The following CSMD1 variants were observed in gnomAD, a reference collection of about 807,000 sequenced individuals.
The protein encoded by CSMD1 is CUB and sushi domain-containing protein 1.
Under a neutral mutation model 417.5 loss-of-function variants are expected in CSMD1, and 213 were observed. The observed-to-expected ratio is 0.51, with a 90% confidence interval of 0.46 to 0.57. The LOEUF is 0.57. CSMD1 is among the 20% of genes least tolerant of loss of function. The pLI is 0.00. For missense variants in CSMD1, 6,923 were observed against 4,529.7 expected (o/e 1.53, Z -15.17); for synonymous variants, 2,862 against 1,736.8 (o/e 1.65, Z -16.11).
intron 3 of CSMD1, among the ~76,000 whole-genome samples, chr8:4,321,688 G>A (rs915557989): frequency 1.3e-5 from 2 of 152,132 alleles, no homozygotes; most frequent in South Asian, 2.1e-4. Flanking sequence ...TCCTAAGATA[G>A]TGATAGGAAT....
At chr8:3,908,908 T>G (rs4875259) in intron 5 of CSMD1, among the ~76,000 whole-genome samples, 1 of 152,062 alleles carries the variant, frequency 6.6e-6, no homozygotes. Flanking sequence ...AGATCACTCA[T>G]GCATCTATCT....
chr8:3,881,358 G>A (rs1448546516), intron 5 of CSMD1, among the ~76,000 whole-genome samples: 3 of 150,700 alleles, frequency 2.0e-5, no homozygotes, highest in Non-Finnish European at 3.0e-5. Context: ...AGTTGGGGCC[G>A]GGTGCGGTGG....
intron 3 of CSMD1, among the ~76,000 whole-genome samples, chr8:4,373,922 C>T (rs1218515817): frequency 6.6e-6 from 1 of 152,164 alleles, no homozygotes; most frequent in Non-Finnish European, 1.5e-5. Flanking sequence ...TTTCCCCTTT[C>T]TCTCTATACC....
At chr8:4,024,105 C>G (rs1162484659) in intron 4 of CSMD1, among the ~76,000 whole-genome samples, 1 of 151,938 alleles carries the variant, frequency 6.6e-6, no homozygotes, top group Non-Finnish European at 1.5e-5. Context: ...TCACATCTTA[C>G]TAAATGGAAA....
chr8:3,721,760 A>C (rs376849873), intron 6 of CSMD1, among the ~76,000 whole-genome samples: 1 of 152,220 alleles, frequency 6.6e-6, no homozygotes, highest in Non-Finnish European at 1.5e-5. Context: ...AATTCTTTAC[A>C]TGAGGATAAT....
intron 5 of CSMD1, among the ~76,000 whole-genome samples, chr8:3,938,764 G>C (rs776345505): frequency 1.3e-5 from 2 of 152,146 alleles, no homozygotes; most frequent in African/African-American, 4.8e-5. Context: ...AAGTGCCTTT[G>C]TTGTTAATGT....
At chr8:3,921,040 G>T (rs948002090) in intron 5 of CSMD1, among the ~76,000 whole-genome samples, 1 of 152,110 alleles carries the variant, frequency 6.6e-6, no homozygotes, top group African/African-American at 2.4e-5. Flanking sequence ...TTTGAAAAGC[G>T]TTGGTTTAGT....
At chr8:4,567,015 A>G (rs1237664553) in intron 2 of CSMD1, among the ~76,000 whole-genome samples, 1 of 152,134 alleles carries the variant, frequency 6.6e-6, no homozygotes, top group Non-Finnish European at 1.5e-5. Context: ...TGTATTTTTC[A>G]AGGTATTAAC....
At chr8:4,754,746 G>C (rs1028284661) in intron 1 of CSMD1, among the ~76,000 whole-genome samples, 4 of 152,104 alleles carry the variant, frequency 2.6e-5, no homozygotes, top group Non-Finnish European at 4.4e-5. Flanking sequence ...CTACTCAGGA[G>C]GCTGAGGCAG....
intron 2 of CSMD1, among the ~76,000 whole-genome samples, chr8:4,492,280 G>A (rs1412375073): frequency 3.3e-5 from 5 of 152,140 alleles, no homozygotes; most frequent in African/African-American, 7.2e-5. Flanking sequence ...TGTCTACACG[G>A]GATCTTCTTA....
chr8:4,584,631 C>T (rs918345672), intron 2 of CSMD1, among the ~76,000 whole-genome samples: 12 of 152,064 alleles, frequency 7.9e-5, no homozygotes, highest in Non-Finnish European at 1.5e-4. Flanking sequence ...TCCGGGGTCC[C>T]AACAACATGT....
intron 7 of CSMD1, among the ~76,000 whole-genome samples, chr8:3,621,356 G>C (rs978942753): frequency 6.6e-6 from 1 of 152,124 alleles, no homozygotes. Context: ...TAGGCGTAAG[G>C]ACACAAAGAG....
intron 7 of CSMD1, among the ~76,000 whole-genome samples, chr8:3,659,641 G>C (rs1436317978): frequency 6.6e-6 from 1 of 152,096 alleles, no homozygotes; most frequent in Non-Finnish European, 1.5e-5. Flanking sequence ...GTGGTGATGT[G>C]GCAAAGCAGA....
rs375130112 is a variant in CSMD1, at chr8:3,091,503, C to G, written c.7285+13G>C. 19 of 1,581,268 alleles carry G rather than the reference C, an allele frequency of 1.2e-5. No individual in the cohort carries two copies. Among genetic ancestry groups the G allele is most frequent in the African/African-American group, 2.7e-5 (2 of 73,380 alleles). ...AAATACTTTCATATAAAATCTAAAC[C>G]TCATTTACTTACCTGCATAGCGAAT... is the stretch of plus-strand genomic sequence containing the variant. On this transcript the variant is annotated intron_variant, in intron 48 of 69. Coordinates refer to ENST00000635120, the MANE Select transcript of CSMD1 (RefSeq NM_033225.6).
chr8:3,226,455 C>T (rs1425449010), intron 27 of CSMD1, among the ~76,000 whole-genome samples: 2 of 151,834 alleles, frequency 1.3e-5, no homozygotes, highest in African/African-American at 4.8e-5. Flanking sequence ...TGGTGGCACG[C>T]ACCTATAATC....
chr8:4,188,798 G>C lies in CSMD1; in HGVS notation c.416-156699C>G, dbSNP rs930348351. Among the ~76,000 whole-genome samples, 41 of 42,056 alleles carry C rather than the reference G, an allele frequency of 9.7e-4. 1 individual carries two copies. Among genetic ancestry groups the C allele is most frequent in the South Asian group, 2.5e-3 (2 of 790 alleles). 27.6% of individuals were successfully genotyped at this position (42,056 alleles called of 152,430 possible). On this transcript the variant is annotated intron_variant, in intron 3 of 69. Coordinates refer to ENST00000635120, the MANE Select transcript of CSMD1 (RefSeq NM_033225.6). ...AAAGAAGATAAAGAAACTCCAGGAT[G>C]AATATTATGGGGGAGGATGGTAATT...
intron 41 of CSMD1, among the ~76,000 whole-genome samples, chr8:3,132,027 T>G (rs1166300283): frequency 1.3e-5 from 2 of 152,102 alleles, no homozygotes; most frequent in Admixed American, 1.3e-4. Flanking sequence ...AACTCATCCT[T>G]CACCTTTGGT....
chr8:4,142,313 T>G (rs1012830977), intron 3 of CSMD1, among the ~76,000 whole-genome samples: 1 of 151,176 alleles, frequency 6.6e-6, no homozygotes, highest in South Asian at 2.1e-4. Context: ...ATTTGCTATC[T>G]TTATCCACCT....
rs572373886 is a variant in CSMD1 at position 4,350,009 on chromosome 8, G to C, written c.415+69944C>G. Among the ~76,000 whole-genome samples, 93 of 152,106 alleles carry C rather than the reference G, an allele frequency of 6.1e-4. 1 individual carries two copies. The highest frequency in any genetic ancestry group is 6.8e-3 in the Middle Eastern group (2 of 292). The stretch of plus-strand genomic sequence containing the variant: ...TAATAGCTTTGGTCCCTGAGCCCTG[G>C]AATCTTGTCTTTTCCTTGACTAAAG... On this transcript the variant is annotated intron_variant, in intron 3 of 69. Transcript: ENST00000635120.
Sources: gnomAD v4.1 joint callset for allele counts (sites outside exome capture counted in the v4.1 genomes callset) on GRCh38, gnomAD v4.1.1 for gene constraint, MANE v1.5 for transcripts, NCBI Gene and HGNC (gene_info 2026-07-23, HGNC 2026-07-21) for gene names.